The following COL1A1 variants were observed in gnomAD, a reference collection of about 807,000 sequenced individuals.
COL1A1 encodes the protein collagen type I alpha 1 chain.
A neutral mutation model predicts 195.7 loss-of-function variants in COL1A1; 21 were observed. The observed-to-expected ratio is 0.11, with a 90% CI of 0.08 to 0.15. COL1A1 has a LOEUF of 0.15. Ranked by LOEUF, COL1A1 falls within the 10% of genes least tolerant of loss-of-function variation. The pLI is 1.00. For synonymous variants in COL1A1, 749 were observed against 747.3 expected, an observed-to-expected ratio of 1.00 and a Z score of -0.04; for missense variants, 1,365 against 2,051.0, an observed-to-expected ratio of 0.67 and a Z score of 6.46.
Position 50,191,896 on chromosome 17 carries a change from A to C in COL1A1, c.2029-10T>G. The stretch of plus-strand genomic sequence containing the variant: ...GGAAACCTCTCTCGCCCTAGAAGGG[A>C]AGGACAGGGCATGTGAAGGCTGCTC... On this transcript the variant is annotated splice_polypyrimidine_tract_variant and intron_variant, in intron 30 of 50. Transcript: ENST00000225964. The C allele has an allele frequency of 1.2e-6, 2 of 1,603,954 alleles. No individual in the cohort carries two copies. Among genetic ancestry groups the C allele is most frequent in the Non-Finnish European group, 1.7e-6 (2 of 1,175,036 alleles).
Position 50,188,729 on chromosome 17 carries a change from G to C in COL1A1, c.3099+13C>G. The C allele has an allele frequency of 1.2e-6, 2 of 1,614,084 alleles. No individual in the cohort carries two copies. The highest frequency in any genetic ancestry group is 1.7e-6 in the Non-Finnish European group (2 of 1,179,958). ...GCAGACAAGGCTGTGGTCATGGAGT[G>C]TTGCCATCTTACCTTGGCGCCAGGA... On this transcript the variant is annotated intron_variant, in intron 42 of 50. Transcript: ENST00000225964. The surrounding 1 kb of genome is among the most constrained non-coding windows in gnomAD (Gnocchi z 5.6).
chr17:50,191,649 G>T, intron 31 of COL1A1, 139 bp downstream of exon 31: 1 of 1,126,492 alleles, frequency 8.9e-7, no homozygotes, highest in Non-Finnish European at 1.3e-6. Context: ...GGCTGTGTGT[G>T]GGCCCCTGCC....
Position 50,189,703 on chromosome 17 carries a change from G to T in COL1A1, c.2643C>A (p.Gly881=). 6.2e-7 allele frequency: 1 copy of T among 1,614,052 alleles called. No homozygotes were observed. The highest frequency in any genetic ancestry group is 8.5e-7 in the Non-Finnish European group (1 of 1,179,994). Residue 881 remains glycine (G), a synonymous_variant, in exon 38 of 51, where the codon GGC becomes GGA. Coordinates refer to ENST00000225964, the MANE Select transcript of COL1A1 (RefSeq NM_000088.4). This position sits in a 1 kb window ranked among gnomAD's most constrained non-coding sequence, Gnocchi z 5.5. ...PGATGFPGAA[G]RVGPPGPSGN... ...CAGAGGGGCCAGGAGGACCGACTCG[G>T]CCAGCAGCACCAGGGAAACCAGTAG...
At chr17:50,193,081 G>A (rs760360608) in intron 25 of COL1A1, 34 bp from the exon 26 acceptor site, 2 of 1,609,728 alleles carry the variant, frequency 1.2e-6, no homozygotes. Context: ...TGAGGGGGCT[G>A]AAGTGAGAAG....
chr17:50,197,281 C>T, intron 9 of COL1A1, 48 bp from the exon 10 acceptor site: 2 of 1,593,792 alleles, frequency 1.3e-6, no homozygotes, highest in Non-Finnish European at 1.7e-6. Context: ...CCCACCACCG[C>T]CTAGGGGCTG....
In COL1A1 at chr17:50,194,177, T is replaced by C. The variant is rs766204229; in HGVS notation, c.1621A>G (p.Thr541Ala). The C allele has an allele frequency of 8.1e-6, 13 of 1,612,770 alleles. No individual in the cohort carries two copies. The highest frequency in any genetic ancestry group is 8.5e-6 in the Non-Finnish European group (10 of 1,179,780). Reference sequence around the variant, plus strand: ...GGACCAGGGCTGCCAGGGCTTCCAGTCAGACCCTAGGGAGGCAGAGAGGTA... The same window carrying C: ...GGACCAGGGCTGCCAGGGCTTCCAGCCAGACCCTAGGGAGGCAGAGAGGTA... ...EAGLPGAKGL[T>A]GSPGSPGPDG... The change falls in exon 24 of 51, where the codon ACT becomes GCT. Residue 541 changes from threonine (T) to alanine (A), a missense_variant. Physicochemically the swap from Thr to Ala is moderately conservative, Grantham distance 58 (BLOSUM62 0). This residue lies in a region of COL1A1 where 671 missense variants were observed against 1,099.9 expected (regional missense o/e 0.61). Transcript: ENST00000225964. The surrounding 1 kb of genome is among the most constrained non-coding windows in gnomAD (Gnocchi z 6.8).
At position 50,185,193 on chromosome 17, in the gene COL1A1, AC is replaced by A. The variant is rs200011356; in HGVS notation, c.*308del. 9.4e-4 allele frequency: 354 copies of A among 374,808 alleles called. No homozygotes were observed. Among genetic ancestry groups the A allele is most frequent in the African/African-American group, 6.6e-3 (311 of 47,098 alleles). 23.2% of individuals were successfully genotyped at this position (374,808 alleles called of 1,614,324 possible). ...AAGCCCAACGGGCAGAAAGGGACTT[AC>A]CCCCGCATGGGTCTTCAAGCAAGTG... On this transcript the variant is annotated 3_prime_UTR_variant, in exon 51 of 51. Coordinates refer to ENST00000225964, the MANE Select transcript of COL1A1 (RefSeq NM_000088.4).
At chr17:50,193,581 A>C in intron 25 of COL1A1, 1 of 335,910 alleles carries the variant, frequency 3.0e-6, no homozygotes, top group Admixed American at 4.0e-5. Context: ...TCCCGGGTTC[A>C]TGCAATTCTC....
In COL1A1 at chr17:50,194,501, C is replaced by T; in HGVS notation, c.1516-54G>A. The T allele has an allele frequency of 6.2e-7, 1 of 1,613,030 alleles. No individual in the cohort carries two copies. The highest frequency in any genetic ancestry group is 8.5e-7 in the Non-Finnish European group (1 of 1,179,218). ...AGGGTCTCAAGTTTGTGGCTCTTTGCCACGGGCCAAAAGAGGAAGAAGATG... is the reference window on the plus strand; with the variant it reads ...AGGGTCTCAAGTTTGTGGCTCTTTGTCACGGGCCAAAAGAGGAAGAAGATG... On this transcript the variant is annotated intron_variant, in intron 22 of 50. Coordinates refer to ENST00000225964, the MANE Select transcript of COL1A1 (RefSeq NM_000088.4). This position sits in a 1 kb window ranked among gnomAD's most constrained non-coding sequence, Gnocchi z 6.8.
At chr17:50,199,704 AGGCCCCAGGCCCCAG>A (rs1207802160) in intron 2 of COL1A1, 34 bp downstream of exon 2, 37 of 1,134 alleles carry the variant, frequency 0.033, no homozygotes, top group Admixed American at 0.23. Flanking sequence ...CCCCAGCCCC[AGGCCCCAGGCCCCAG>A]GCCCCAGGCC....
intron 2 of COL1A1, 52 bp from the exon 3 acceptor site, chr17:50,199,642 C>T (rs372452640): frequency 1.3e-5 from 21 of 1,613,080 alleles, no homozygotes; most frequent in Non-Finnish European, 1.4e-5. Context: ...ATGCTGCTCC[C>T]GTCGGCAGAG....
At chr17:50,198,057 A>C in intron 7 of COL1A1, 55 bp from the exon 8 acceptor site, 1 of 1,608,924 alleles carries the variant, frequency 6.2e-7, no homozygotes, top group Non-Finnish European at 8.5e-7. Context: ...AACCTTCTCC[A>C]ATCTTACCAA....
In COL1A1 at chr17:50,194,802, AG is replaced by A. The variant is rs1114167377; in HGVS notation, c.1379del (p.Pro460LeufsTer81). 1 of 1,571,184 alleles carries A rather than the reference AG, an allele frequency of 6.4e-7. No homozygotes were observed. On this transcript the variant is annotated frameshift_variant, in exon 21 of 51. Transcript: ENST00000225964. LOFTEE classifies it high-confidence loss of function. This position sits in a 1 kb window ranked among gnomAD's most constrained non-coding sequence, Gnocchi z 6.8. ...EPGPVGVQGP[P>X]GPAGEEGKRG... ...GCTTTCCTTCCTCTCCAGCAGGGCC[AG>A]GGGGTCCTTGAACACCAACAGGGCC...
Position 50,190,675 on chromosome 17 carries a change from C to T in COL1A1, c.2344-79G>A. 1 of 1,544,684 alleles carries T rather than the reference C, an allele frequency of 6.5e-7. No individual in the cohort carries two copies. The highest frequency in any genetic ancestry group is 8.9e-7 in the Non-Finnish European group (1 of 1,123,326). ...GTAGATGACCCCAGGAGAGCCTCCC[C>T]TCCTTCTGGTCCCTCCAGGTTCCCA... On this transcript the variant is annotated intron_variant, in intron 33 of 50. Coordinates refer to ENST00000225964, the MANE Select transcript of COL1A1 (RefSeq NM_000088.4). This position sits in a 1 kb window ranked among gnomAD's most constrained non-coding sequence, Gnocchi z 4.7.
At position 50,195,499 on chromosome 17, in the gene COL1A1, T is replaced by C; in HGVS notation, c.1156-21A>G. On this transcript the variant is annotated intron_variant, in intron 17 of 50. Coordinates refer to ENST00000225964, the MANE Select transcript of COL1A1 (RefSeq NM_000088.4). The surrounding 1 kb of genome is among the most constrained non-coding windows in gnomAD (Gnocchi z 4.3). ...TTTCCCTGTGGCACAGAGAAAGGAG[T>C]GTCAGCAACAGGCAAGGACTCTGAG... 1 of 1,613,276 alleles carries C rather than the reference T, an allele frequency of 6.2e-7. No individual in the cohort carries two copies. The highest frequency in any genetic ancestry group is 8.5e-7 in the Non-Finnish European group (1 of 1,179,746).
rs147938547 is a variant in COL1A1 at position 50,195,713 on chromosome 17, C to A, written c.1057-48G>T. On this transcript the variant is annotated intron_variant, in intron 16 of 50. Transcript: ENST00000225964. This position sits in a 1 kb window ranked among gnomAD's most constrained non-coding sequence, Gnocchi z 4.3. ...TCAGAAGCCACCCTGGGAAACCCAA[C>A]CTTGCCTCTCGGGATGGCAGGAGGA... 3,131 of 1,580,588 alleles carry A rather than the reference C, an allele frequency of 2.0e-3. 6 individuals are homozygous for A. Among genetic ancestry groups the A allele is most frequent in the Non-Finnish European group, 2.5e-3 (2,880 of 1,154,256 alleles).
Position 50,194,441 on chromosome 17 carries a change from C to A in COL1A1, c.1522G>T (p.Ala508Ser). The change falls in exon 23 of 51, where the codon GCT (alanine) becomes TCT (serine). Residue 508 changes from alanine (A) to serine (S), a missense_variant. Around this residue, in one of 5 missense-constraint regions of COL1A1, gnomAD observed 671 missense variants for 1,099.9 expected, o/e 0.61. Transcript: ENST00000225964. This position sits in a 1 kb window ranked among gnomAD's most constrained non-coding sequence, Gnocchi z 6.8. ...GGGCCAGGAGAACCACGTTCACCAG[C>A]GGGACCCTGGTTGGGGGAAGTCACA... ...ADGVAGPKGP[A>S]GERGSPGPAG... is the part of the protein sequence containing the mutation. 1 of 1,614,008 alleles carries A rather than the reference C, an allele frequency of 6.2e-7. No individual in the cohort carries two copies. Among genetic ancestry groups the A allele is most frequent in the South Asian group, 1.1e-5 (1 of 91,074 alleles).
At chr17:50,193,079 C>T (rs141800676) in intron 25 of COL1A1, 32 bp from the exon 26 acceptor site, 4 of 1,611,300 alleles carry the variant, frequency 2.5e-6, no homozygotes, top group Admixed American at 1.7e-5. Flanking sequence ...GTTGAGGGGG[C>T]TGAAGTGAGA....
At position 50,191,808 on chromosome 17, in the gene COL1A1, G is replaced by C. The variant is rs1339321096; in HGVS notation, c.2107C>G (p.Pro703Ala). Residue 703 changes from proline to alanine, a missense_variant, in exon 31 of 51, where the codon CCC becomes GCC. Coordinates refer to ENST00000225964, the MANE Select transcript of COL1A1 (RefSeq NM_000088.4). ...CTCACCTTAGCACCATCGTTGCCGG[G>C]AGCACCGTTGGCCCCTCGGGGACCA... ...PAGPRGANGAPGNDGAKGDAG... is the reference protein window; with the variant it reads ...PAGPRGANGAAGNDGAKGDAG... The C allele has an allele frequency of 3.8e-6, 6 of 1,593,838 alleles. No homozygotes were observed. The highest frequency in any genetic ancestry group is 5.1e-6 in the Non-Finnish European group (6 of 1,169,244).
Sources: allele counts gnomAD v4.1 joint callset, GRCh38; gene constraint gnomAD v4.1.1; regional missense constraint gnomAD v4.1.1; non-coding constraint Gnocchi (gnomAD v3.1); transcripts MANE v1.5; gene names NCBI Gene and HGNC (gene_info 2026-07-23, HGNC 2026-07-21).